Variants in PIGK observed in about 807,000 individuals in gnomAD.
PIGK encodes phosphatidylinositol glycan anchor biosynthesis class K.
A neutral mutation model predicts 50.6 loss-of-function variants in PIGK; 42 were observed. That is an observed-to-expected ratio of 0.83 (90% CI 0.65 to 1.07). The LOEUF (loss-of-function observed/expected upper bound fraction) is 1.07. Ranked by LOEUF, PIGK falls within the 50% of genes least tolerant of loss-of-function variation. The pLI, the probability that PIGK is intolerant of heterozygous loss-of-function variation, is 0.00. For synonymous variants in PIGK, 151 were observed against 156.0 expected (o/e 0.97, Z 0.24); for missense variants, 448 against 488.7 (o/e 0.92, Z 0.78).
At chr1:77,133,295 T>TTC (rs1654421447) in intron 9 of PIGK, among the ~76,000 whole-genome samples, 1 of 152,170 alleles carries the variant, frequency 6.6e-6, no homozygotes, top group Admixed American at 6.5e-5. Context: ...ATCGATTGAG[T>TTC]TCTTAACTTC....
intron 9 of PIGK, among the ~76,000 whole-genome samples, chr1:77,133,948 C>G (rs1335216197): frequency 6.6e-6 from 1 of 152,158 alleles, no homozygotes; most frequent in African/African-American, 2.4e-5. Flanking sequence ...ACTCTGTCCC[C>G]GTTAGTAACC....
chr1:77,110,342 C>T (rs1447137672), intron 10 of PIGK, among the ~76,000 whole-genome samples: 1 of 152,122 alleles, frequency 6.6e-6, no homozygotes, highest in African/African-American at 2.4e-5. Context: ...AGGCATCACA[C>T]TACCTGACTT....
intron 9 of PIGK, among the ~76,000 whole-genome samples, chr1:77,124,613 C>T (rs1398435534): frequency 7.3e-6 from 1 of 136,424 alleles, no homozygotes; most frequent in Non-Finnish European, 1.6e-5. Context: ...TCAAAACAAA[C>T]AAACAACAAA....
intron 9 of PIGK, among the ~76,000 whole-genome samples, chr1:77,131,760 G>T (rs923556620): frequency 1.3e-5 from 2 of 151,764 alleles, no homozygotes; most frequent in Non-Finnish European, 2.9e-5. Flanking sequence ...TTTCTATTTG[G>T]TCATGAAATG....
At chr1:77,154,284 T>TA (rs778330178) in intron 9 of PIGK, 165 bp downstream of exon 9, 14 of 581,460 alleles carry the variant, frequency 2.4e-5, no homozygotes, top group Non-Finnish European at 4.2e-5. Context: ...TGATAGTTTT[T>TA]ACATATAAAT....
intron 3 of PIGK, among the ~76,000 whole-genome samples, chr1:77,173,013 A>G (rs1278105914): frequency 1.3e-5 from 2 of 152,324 alleles, no homozygotes; most frequent in East Asian, 3.9e-4. Context: ...GTAGGAAAAG[A>G]AATCATTGGC....
At chr1:77,133,385 T>C (rs570712140) in intron 9 of PIGK, among the ~76,000 whole-genome samples, 123 of 152,288 alleles carry the variant, frequency 8.1e-4, no homozygotes, top group African/African-American at 2.6e-3. Flanking sequence ...TTTCATCTAT[T>C]TTCAAGAATA....
chr1:77,165,181 C>T (rs559029731), intron 5 of PIGK, among the ~76,000 whole-genome samples: 2 of 152,196 alleles, frequency 1.3e-5, no homozygotes, highest in South Asian at 4.2e-4. Context: ...TGCAGTTACC[C>T]TGAAAGAGTT....
intron 1 of PIGK, among the ~76,000 whole-genome samples, chr1:77,214,330 A>G (rs954400453): frequency 3.2e-4 from 49 of 152,100 alleles, no homozygotes; most frequent in African/African-American, 1.2e-3. Context: ...AAGATAATAC[A>G]CCACAATAGA....
intron 8 of PIGK, among the ~76,000 whole-genome samples, chr1:77,157,063 C>G (rs1461041403): frequency 6.6e-6 from 1 of 152,210 alleles, no homozygotes; most frequent in Non-Finnish European, 1.5e-5. Context: ...TAAATGTGCT[C>G]TTCAACTGTC....
intron 3 of PIGK, among the ~76,000 whole-genome samples, chr1:77,171,436 CAAA>C (rs58788160): frequency 0.013 from 621 of 46,792 alleles, no homozygotes; most frequent in Non-Finnish European, 0.016. Flanking sequence ...GACTCCACCT[CAAA>C]AAAAAAAAAA....
intron 3 of PIGK, among the ~76,000 whole-genome samples, chr1:77,200,225 G>A (rs1278858616): frequency 6.6e-6 from 1 of 152,150 alleles, no homozygotes; most frequent in East Asian, 1.9e-4. Flanking sequence ...CTACAAAAGG[G>A]TTGAAGTACA....
rs1468695369 is a variant in PIGK at position 77,089,741 on chromosome 1, T to A, written c.*2633A>T. On this transcript the variant is annotated 3_prime_UTR_variant, in exon 11 of 11. Coordinates refer to ENST00000370812, the MANE Select transcript of PIGK (RefSeq NM_005482.3). Reference sequence around the variant, plus strand: ...TCTAATATTTCTTGATCCAATTTAATCAGCTTTGTATCCAAACTACATTTT... The same window carrying A: ...TCTAATATTTCTTGATCCAATTTAAACAGCTTTGTATCCAAACTACATTTT... 6.5e-6 allele frequency: 1 copy of A among 152,690 alleles called. No homozygotes were observed. Among genetic ancestry groups the A allele is most frequent in the Non-Finnish European group, 1.5e-5 (1 of 68,042 alleles). 9.5% of individuals were successfully genotyped at this position (152,690 alleles called of 1,614,324 possible). A position where few individuals can be genotyped will look rare whatever the true frequency, so the allele number is the denominator to read the frequency against.
intron 9 of PIGK, among the ~76,000 whole-genome samples, chr1:77,124,828 A>T (rs773287000): frequency 7.2e-5 from 11 of 152,062 alleles, no homozygotes; most frequent in Non-Finnish European, 1.6e-4. Flanking sequence ...AAAAAAGCGA[A>T]CAACTCAATA....
In PIGK at chr1:77,209,547, C is replaced by G. The variant is rs190482093; in HGVS notation, c.147+889G>C. Among the ~76,000 whole-genome samples the G allele has an allele frequency of 5.2e-3, 792 of 152,200 alleles. 11 individuals are homozygous for G. Among genetic ancestry groups the G allele is most frequent in the African/African-American group, 0.018 (750 of 41,558 alleles). On this transcript the variant is annotated intron_variant, in intron 2 of 10. Coordinates refer to ENST00000370812, the MANE Select transcript of PIGK (RefSeq NM_005482.3). ...AAAAGACCCACAGTCTTTCTGGAGG[C>G]AATCATGCTCCATGACTTCACATTC...
chr1:77,096,323 T>C (rs1252008315), intron 10 of PIGK, among the ~76,000 whole-genome samples: 5 of 152,160 alleles, frequency 3.3e-5, no homozygotes, highest in Non-Finnish European at 7.3e-5. Context: ...CTTGGCTGTG[T>C]CCATACCCTC....
rs191643853 is a variant in PIGK at position 77,130,103 on chromosome 1, G to A, written c.987-7744C>T. Among the ~76,000 whole-genome samples the A allele has an allele frequency of 1.2e-3, 178 of 148,356 alleles. 1 individual carries two copies. The highest frequency in any genetic ancestry group is 4.2e-3 in the African/African-American group (171 of 40,562). On this transcript the variant is annotated intron_variant, in intron 9 of 10. Coordinates refer to ENST00000370812, the MANE Select transcript of PIGK (RefSeq NM_005482.3). The stretch of plus-strand genomic sequence containing the variant: ...AAAAATTAATATGTGGCGTTATTTC[G>A]ATAATCTAGACAGAAATTCTTTGAA...
In PIGK at chr1:77,148,740, G is replaced by C. The variant is rs145942777; in HGVS notation, c.986+5709C>G. Among the ~76,000 whole-genome samples the C allele has an allele frequency of 1.6e-3, 235 of 150,364 alleles. 1 individual carries two copies. The highest frequency in any genetic ancestry group is 5.5e-3 in the African/African-American group (224 of 40,560). ...TTTTTGGTTTTTTTTTTTTGAGACAGAGTCTTGCTCTGTCGCCAAGCTGGA... is the reference window on the plus strand; with the variant it reads ...TTTTTGGTTTTTTTTTTTTGAGACACAGTCTTGCTCTGTCGCCAAGCTGGA... On this transcript the variant is annotated intron_variant, in intron 9 of 10. Coordinates refer to ENST00000370812, the MANE Select transcript of PIGK (RefSeq NM_005482.3).
chr1:77,216,638 G>GGT (rs370659559), intron 1 of PIGK, among the ~76,000 whole-genome samples: 124 of 151,316 alleles, frequency 8.2e-4, no homozygotes, highest in African/African-American at 2.4e-3. Context: ...TGTGTGGGGG[G>GGT]GTGTGTGTGT....
Sources: gnomAD v4.1 joint callset for allele counts (sites outside exome capture counted in the v4.1 genomes callset) on GRCh38, gnomAD v4.1.1 for gene constraint, MANE v1.5 for transcripts, NCBI Gene and HGNC (gene_info 2026-07-23, HGNC 2026-07-21) for gene names.